DNAH14: variants seen among roughly 807,000 people sequenced by gnomAD.
The protein encoded by DNAH14 is axonemal beta dynein heavy chain 14.
In DNAH14, 478 loss-of-function variants were observed where a neutral mutation model predicts 520.9. The observed-to-expected ratio is 0.92, with a 90% confidence interval of 0.85 to 0.99. The LOEUF is 0.99. Ranked by LOEUF, DNAH14 falls within the 50% of genes least tolerant of loss-of-function variation. The pLI, the probability that DNAH14 is intolerant of heterozygous loss-of-function variation, is 0.00. For missense variants in DNAH14, 4,831 were observed against 5,234.5 expected, an observed-to-expected ratio of 0.92 and a Z score of 2.38; for synonymous variants, 1,581 against 1,757.2, an observed-to-expected ratio of 0.90 and a Z score of 2.51.
At chr1:225,259,304 C>T in intron 46 of DNAH14, 51 bp downstream of exon 46, 1 of 1,270,644 alleles carries the variant, frequency 7.9e-7, no homozygotes, top group Non-Finnish European at 1.0e-6. Flanking sequence ...AAAAAGTGTG[C>T]TTTAATATAT....
At position 225,147,237 on chromosome 1, in the gene DNAH14, A is replaced by C; in HGVS notation, c.4928A>C (p.Asn1643Thr). 1 of 1,545,594 alleles carries C rather than the reference A, an allele frequency of 6.5e-7. No individual in the cohort carries two copies. Among genetic ancestry groups the C allele is most frequent in the Non-Finnish European group, 8.7e-7 (1 of 1,145,360 alleles). Residue 1643 changes from asparagine (N) to threonine (T), a missense_variant, in exon 31 of 86, where the codon AAC becomes ACC. Physicochemically the swap from Asn to Thr is moderately conservative, Grantham distance 65. Coordinates refer to ENST00000682510, the MANE Select transcript of DNAH14 (RefSeq NM_001367479.1). The stretch of plus-strand genomic sequence containing the variant: ...CTAACAATTAAGGCTGCAAAAGACA[A>C]CTATTCTGCCAGGTATTTGTCGAAT... ...QILTIKAAKD[N>T]YSARFVLEGK...
In DNAH14 at chr1:225,282,682, A is replaced by C. The variant is rs184326610; in HGVS notation, c.8271+5180A>C. 3.0e-4 allele frequency among the ~76,000 whole-genome samples: 45 copies of C among 152,350 alleles called. 1 individual carries two copies. The East Asian group carries it at 7.5e-3, about 25-fold the overall frequency. On this transcript the variant is annotated intron_variant, in intron 54 of 85. Transcript: ENST00000682510. ...AGGAAATGTGCCTCAGAAAGATGAG[A>C]GGGCTGAAGTATTTGGCCCATCTAT...
chr1:225,093,176 C>T (rs2074560286), intron 21 of DNAH14, among the ~76,000 whole-genome samples: 1 of 152,046 alleles, frequency 6.6e-6, no homozygotes, highest in African/African-American at 2.4e-5. Context: ...GATACCAAAA[C>T]CTGGCAGAAC....
At chr1:225,335,549 A>G (rs200020651) in intron 66 of DNAH14, among the ~76,000 whole-genome samples, 13 of 77,214 alleles carry the variant, frequency 1.7e-4, no homozygotes, top group Admixed American at 5.6e-4. Context: ...ATATACGTAT[A>G]TACATATGTA....
chr1:225,113,213 G>A (rs549205533), intron 23 of DNAH14, among the ~76,000 whole-genome samples: 1 of 152,308 alleles, frequency 6.6e-6, no homozygotes, highest in East Asian at 1.9e-4. Context: ...CCAAAGCTCA[G>A]TAATGCTGTG....
chr1:225,111,742 G>A (rs1423344585), intron 23 of DNAH14, among the ~76,000 whole-genome samples: 1 of 151,680 alleles, frequency 6.6e-6, no homozygotes, highest in African/African-American at 2.4e-5. Context: ...TTTTAGTAAA[G>A]GTGATTTTCT....
intron 59 of DNAH14, among the ~76,000 whole-genome samples, 159 bp downstream of exon 59, chr1:225,307,728 T>C (rs1274657539): frequency 6.6e-6 from 1 of 152,220 alleles, no homozygotes; most frequent in African/African-American, 2.4e-5. Context: ...TTTTTTAGTC[T>C]TAGTTTATCT....
chr1:225,080,858 A>G (rs916735231), intron 19 of DNAH14, 110 bp downstream of exon 19: 6 of 1,178,168 alleles, frequency 5.1e-6, no homozygotes, highest in African/African-American at 4.6e-5. Context: ...CAGGTTGACC[A>G]TTATGGCTAG....
intron 11 of DNAH14, among the ~76,000 whole-genome samples, chr1:225,031,680 A>G (rs2066536485): frequency 4.1e-5 from 1 of 24,258 alleles, no homozygotes. Flanking sequence ...TGGTACTGCT[A>G]AAACTTTAGC....
intron 36 of DNAH14, among the ~76,000 whole-genome samples, chr1:225,179,637 G>A (rs530483431): frequency 1.7e-4 from 26 of 152,224 alleles, no homozygotes; most frequent in African/African-American, 6.0e-4. Flanking sequence ...AAAGATATGA[G>A]TATTTTACAC....
intron 17 of DNAH14, among the ~76,000 whole-genome samples, chr1:225,072,611 G>A (rs986653759): frequency 1.3e-5 from 2 of 152,162 alleles, no homozygotes; most frequent in Admixed American, 6.5e-5. Flanking sequence ...AGCGCATTCT[G>A]GCTTTTTGAG....
At chr1:224,975,069 A>G (rs897114370) in intron 8 of DNAH14, among the ~76,000 whole-genome samples, 6 of 151,912 alleles carry the variant, frequency 3.9e-5, no homozygotes, top group Non-Finnish European at 8.8e-5. Context: ...CATCCCAGGG[A>G]TGAAGCCCGC....
intron 41 of DNAH14, among the ~76,000 whole-genome samples, chr1:225,221,969 A>C (rs991307136): frequency 1.3e-5 from 2 of 152,124 alleles, no homozygotes; most frequent in African/African-American, 4.8e-5. Context: ...GTACTGAAAA[A>C]ATGCAATTAT....
chr1:225,150,183 G>T (rs755822352), intron 31 of DNAH14, among the ~76,000 whole-genome samples: 2 of 152,106 alleles, frequency 1.3e-5, no homozygotes, highest in Non-Finnish European at 2.9e-5. Context: ...TTTTGTTTAT[G>T]TAATGAATAT....
chr1:225,289,886 T>C lies in DNAH14; in HGVS notation c.8273T>C (p.Ile2758Thr), dbSNP rs761090672. 19 of 1,380,280 alleles carry C rather than the reference T, an allele frequency of 1.4e-5. No homozygotes were observed. The South Asian group carries it at 3.1e-4, about 22-fold the overall frequency. 85.5% of individuals were successfully genotyped at this position (1,380,280 alleles called of 1,614,324 possible). ...TGTTGTATTTCTTTTCTCCCAAAGATTGGAATAGATGGATGTGGGAAAAAA... is the reference window on the plus strand; with the variant it reads ...TGTTGTATTTCTTTTCTCCCAAAGACTGGAATAGATGGATGTGGGAAAAAA... ...LRQPGSHMLL[I>T]GIDGCGKKTC... Residue 2758 changes from isoleucine (I) to threonine (T), a missense_variant and splice_region_variant, in exon 55 of 86, where the codon ATT becomes ACT. Transcript: ENST00000682510.
At position 225,364,220 on chromosome 1, in the gene DNAH14, TCAGACCATGTA is replaced by T. The variant is rs1157505884; in HGVS notation, c.11988-566_11988-556del. On this transcript the variant is annotated intron_variant, in intron 75 of 85. Transcript: ENST00000682510. ...TGGTTTCTGCCACTTGTGGGAACTT[TCAGACCATGTA>T]CAGACATTAAACTTTCACCTACTGG... 3.9e-5 allele frequency among the ~76,000 whole-genome samples: 6 copies of T among 152,312 alleles called. No homozygotes were observed. In the South Asian group the frequency reaches 8.3e-4, roughly 21 times the overall value.
rs760762005 is a variant in DNAH14, at chr1:225,258,128, A to G, written c.7024+10A>G. ...CCTGTACTTCTCACAGGTATTACAAATATTTAATAGAAGGAGAATTTCAGA... is the reference window on the plus strand; with the variant it reads ...CCTGTACTTCTCACAGGTATTACAAGTATTTAATAGAAGGAGAATTTCAGA... On this transcript the variant is annotated intron_variant, in intron 45 of 85. Transcript: ENST00000682510. The G allele has an allele frequency of 1.8e-5, 27 of 1,479,048 alleles. No individual in the cohort carries two copies. The highest frequency in any genetic ancestry group is 2.0e-5 in the Non-Finnish European group (22 of 1,118,746). 91.6% of individuals were successfully genotyped at this position (1,479,048 alleles called of 1,614,324 possible).
In DNAH14 at chr1:225,144,589, T is replaced by A. The variant is rs2079753596; in HGVS notation, c.4701T>A (p.Ala1567=). The change falls in exon 29 of 86, where the codon GCT becomes GCA. Residue 1567 remains alanine (A), a synonymous_variant. Coordinates refer to ENST00000682510, the MANE Select transcript of DNAH14 (RefSeq NM_001367479.1). ...TAGGAGGCTGTCCTGCCGGTCCAGC[T>A]GGTACAGGAAAAACTGAGACTGTCA... ...LNLGGCPAGP[A]GTGKTETVKD... The A allele has an allele frequency of 1.3e-6, 2 of 1,551,414 alleles. No homozygotes were observed. Among genetic ancestry groups the A allele is most frequent in the Non-Finnish European group, 1.7e-6 (2 of 1,146,970 alleles).
At chr1:224,933,359 A>G (rs1400856625) in intron 1 of DNAH14, among the ~76,000 whole-genome samples, 1 of 152,136 alleles carries the variant, frequency 6.6e-6, no homozygotes, top group Non-Finnish European at 1.5e-5. Context: ...ATATAAAATC[A>G]TATGATCAAC....
Sources: gnomAD v4.1 joint callset for allele counts (sites outside exome capture counted in the v4.1 genomes callset) on GRCh38, gnomAD v4.1.1 for gene constraint, MANE v1.5 for transcripts, NCBI Gene and HGNC (gene_info 2026-07-23, HGNC 2026-07-21) for gene names.